Variants in IL1R1 observed in about 807,000 individuals in gnomAD.
IL1R1 encodes interleukin 1 receptor type 1, also known as interleukin-1 receptor type 1.
Under a neutral mutation model 50.2 loss-of-function variants are expected in IL1R1, and 22 were observed. The ratio of observed to expected loss-of-function variants is 0.44; its 90% CI spans 0.31 to 0.63. The LOEUF (loss-of-function observed/expected upper bound fraction) is 0.63. Among genes scored for constraint, IL1R1 ranks in the 20% least tolerant of loss-of-function variants. The probability of loss-of-function intolerance (pLI) is 0.07; values close to 1 mark genes in which losing one functional copy is unlikely to be tolerated. For missense variants in IL1R1, 509 were observed against 676.2 expected (o/e 0.75, Z 2.74); for synonymous variants, 251 against 236.7 (o/e 1.06, Z -0.55).
At chr2:102,172,583 G>T in intron 8 of IL1R1, 104 bp from the exon 9 acceptor site, 2 of 1,113,054 alleles carry the variant, frequency 1.8e-6, no homozygotes, top group African/African-American at 1.6e-5. Context: ...GATTATTTCA[G>T]TGGCAATTTT....
intron 1 of IL1R1, among the ~76,000 whole-genome samples, chr2:102,149,571 C>T (rs1273327923): frequency 1.3e-5 from 2 of 152,164 alleles, no homozygotes; most frequent in Non-Finnish European, 2.9e-5. Context: ...CCCACCAGCA[C>T]CCCTGTTCTT....
chr2:102,072,196 G>C (rs542814449), intron 1 of IL1R1, among the ~76,000 whole-genome samples: 6 of 151,404 alleles, frequency 4.0e-5, no homozygotes, highest in South Asian at 4.1e-4. Flanking sequence ...GGAGGTGGAG[G>C]TTGCAGTGAG....
At chr2:102,082,189 A>G (rs1417257202) in intron 1 of IL1R1, among the ~76,000 whole-genome samples, 1 of 151,984 alleles carries the variant, frequency 6.6e-6, no homozygotes, top group Non-Finnish European at 1.5e-5. Context: ...CCCTTCCTAT[A>G]CATTGCCTTA....
At chr2:102,097,557 G>C (rs1445056770) in intron 1 of IL1R1, among the ~76,000 whole-genome samples, 1 of 152,022 alleles carries the variant, frequency 6.6e-6, no homozygotes, top group Non-Finnish European at 1.5e-5. Context: ...AATGAACAGG[G>C]ATGTATAACT....
Position 102,166,173 on chromosome 2 carries a change from G to A in IL1R1, c.547G>A (p.Val183Met), listed in dbSNP as rs767728778. The A allele has an allele frequency of 1.9e-5, 31 of 1,613,612 alleles. No individual in the cohort carries two copies. The highest frequency in any genetic ancestry group is 1.6e-4 in the Middle Eastern group (1 of 6,082). The change falls in exon 6 of 12, where the codon GTG becomes ATG. Residue 183 changes from valine to methionine, a missense_variant. Coordinates refer to ENST00000410023, the MANE Select transcript of IL1R1 (RefSeq NM_000877.4). ...HFSGVKDRLI[V>M]MNVAEKHRGN... ...TAGTGGAGTCAAAGATAGGCTCATC[G>A]TGATGAATGTGGCTGAAAAGCATAG...
intron 1 of IL1R1, among the ~76,000 whole-genome samples, chr2:102,085,266 G>A (rs1679385200): frequency 6.6e-6 from 1 of 152,084 alleles, no homozygotes; most frequent in Non-Finnish European, 1.5e-5. Flanking sequence ...AATATTTTGT[G>A]TCTGTTTTAC....
intron 1 of IL1R1, among the ~76,000 whole-genome samples, chr2:102,120,306 T>C (rs2104390314): frequency 6.6e-6 from 1 of 152,274 alleles, no homozygotes; most frequent in South Asian, 2.1e-4. Context: ...ATGGGTGTTA[T>C]ATGTATGGTG....
chr2:102,090,430 T>G (rs1679616881), intron 1 of IL1R1, among the ~76,000 whole-genome samples: 1 of 152,210 alleles, frequency 6.6e-6, no homozygotes, highest in Non-Finnish European at 1.5e-5. Context: ...TGTCTTCTTC[T>G]AAGATTAATT....
At chr2:102,104,276 C>T (rs1398274188), upstream of IL1R1, among the ~76,000 whole-genome samples, 2 of 152,114 alleles carry the variant, frequency 1.3e-5, no homozygotes, top group African/African-American at 2.4e-5. Context: ...GGAGATTGCT[C>T]TAAGGATTGG....
chr2:102,130,778 G>A (rs930358387), intron 1 of IL1R1, among the ~76,000 whole-genome samples: 2 of 152,212 alleles, frequency 1.3e-5, no homozygotes, highest in African/African-American at 2.4e-5. Flanking sequence ...TTCAGAAACT[G>A]TGTCAGTAGA....
upstream of IL1R1, chr2:102,141,995 G>T (rs1682680654): frequency 1.3e-5 from 2 of 152,176 alleles, no homozygotes; most frequent in South Asian, 2.1e-4. Context: ...ATTCTCATTG[G>T]CAAAGTGAGC....
chr2:102,123,196 G>A (rs1477637094), intron 1 of IL1R1, among the ~76,000 whole-genome samples: 1 of 152,178 alleles, frequency 6.6e-6, no homozygotes, highest in Admixed American at 6.5e-5. Flanking sequence ...AAATGCCAAA[G>A]TTTTATCAAT....
At chr2:102,117,986 A>T (rs1681185509) in intron 1 of IL1R1, among the ~76,000 whole-genome samples, 1 of 150,668 alleles carries the variant, frequency 6.6e-6, no homozygotes, top group African/African-American at 2.4e-5. Flanking sequence ...CATATAATAT[A>T]TATATAGACA....
intron 2 of IL1R1, among the ~76,000 whole-genome samples, chr2:102,154,653 T>C (rs1201774384): frequency 6.6e-6 from 1 of 152,204 alleles, no homozygotes; most frequent in African/African-American, 2.4e-5. Context: ...TGAACCTCTG[T>C]GGTGGCCTGC....
At chr2:102,131,635 C>A (rs1682035286) in intron 1 of IL1R1, among the ~76,000 whole-genome samples, 1 of 105,780 alleles carries the variant, frequency 9.5e-6, no homozygotes, top group African/African-American at 3.4e-5. Context: ...AAAGACATAA[C>A]AATAGAAACT....
At chr2:102,081,496 T>C (rs1469553131) in intron 1 of IL1R1, among the ~76,000 whole-genome samples, 2 of 152,210 alleles carry the variant, frequency 1.3e-5, no homozygotes, top group Non-Finnish European at 2.9e-5. Flanking sequence ...GTTTTCATTC[T>C]AGAGTACGAA....
chr2:102,072,083 C>T (rs1295857220), intron 1 of IL1R1, among the ~76,000 whole-genome samples: 1 of 151,558 alleles, frequency 6.6e-6, no homozygotes, highest in East Asian at 1.9e-4. Flanking sequence ...CACGGCAAAA[C>T]CCCGTCTCTA....
At chr2:102,147,510 G>A (rs1171740979) in intron 1 of IL1R1, among the ~76,000 whole-genome samples, 15 of 152,162 alleles carry the variant, frequency 9.9e-5, no homozygotes. Context: ...TTATAGGGGA[G>A]GCTGGGAAGC....
Position 102,160,058 on chromosome 2 carries a change from G to A in IL1R1, c.61+2273G>A, listed in dbSNP as rs3917254. Among the ~76,000 whole-genome samples the A allele has an allele frequency of 0.16, 24,895 of 151,980 alleles. 2,696 individuals carry two copies. Among genetic ancestry groups the A allele is most frequent in the African/African-American group, 0.3 (12,465 of 41,430 alleles). On this transcript the variant is annotated intron_variant, in intron 3 of 11. Transcript: ENST00000410023. ...TATGAGACCCCCACTCCACCATATTGGAAATCTTGCAAATTCAATTTCTTT... is the reference window on the plus strand; with the variant it reads ...TATGAGACCCCCACTCCACCATATTAGAAATCTTGCAAATTCAATTTCTTT...
Sources: gnomAD v4.1 joint callset for allele counts (sites outside exome capture counted in the v4.1 genomes callset) on GRCh38, gnomAD v4.1.1 for gene constraint, MANE v1.5 for transcripts, NCBI Gene and HGNC (gene_info 2026-07-23, HGNC 2026-07-21) for gene names.